EZH1: variants seen among roughly 807,000 people sequenced by gnomAD.
EZH1 encodes enhancer of zeste 1 polycomb repressive complex 2 subunit, also known as histone-lysine N-methyltransferase EZH1.
In EZH1, 33 loss-of-function variants were observed where a neutral mutation model predicts 100.5. The observed-to-expected ratio is 0.33, with a 90% CI of 0.25 to 0.44. The LOEUF is 0.44. Among genes scored for constraint, EZH1 ranks in the 20% least tolerant of loss-of-function variants. The pLI, the probability that EZH1 is intolerant of heterozygous loss-of-function variation, is 1.00. For missense variants in EZH1, 475 were observed against 928.4 expected (o/e 0.51, Z 6.35); for synonymous variants, 272 against 313.8 (o/e 0.87, Z 1.41).
chr17:42,713,238 G>A lies in EZH1; in HGVS notation c.1175C>T (p.Thr392Ile). 6.2e-7 allele frequency: 1 copy of A among 1,613,822 alleles called. No individual in the cohort carries two copies. The highest frequency in any genetic ancestry group is 8.5e-7 in the Non-Finnish European group (1 of 1,179,874). ...ETKEGDSDRD[T>I]GNDWASSSSE... is the part of the protein sequence containing the mutation. ...AGAACTGGAGGCCCAGTCATTGCCT[G>A]TGTCCCTGTCACTGTCTCCTTCTTT... The change falls in exon 11 of 21, where the codon ACA (threonine) becomes ATA (isoleucine). Residue 392 changes from threonine (T) to isoleucine (I), a missense_variant. Physicochemically the swap from Thr to Ile is moderately conservative, Grantham distance 89 (BLOSUM62 -1). This residue lies in a region of EZH1 where 180 missense variants were observed against 295.3 expected (regional missense o/e 0.61). Transcript: ENST00000428826.
intron 10 of EZH1, among the ~76,000 whole-genome samples, chr17:42,717,281 A>G (rs375822506): frequency 5.9e-5 from 9 of 152,298 alleles, no homozygotes; most frequent in African/African-American, 2.2e-4. Context: ...CCCATTTTCC[A>G]CATGTGTGCC....
chr17:42,715,566 A>T (rs938850016), intron 10 of EZH1, among the ~76,000 whole-genome samples: 4 of 152,222 alleles, frequency 2.6e-5, no homozygotes, highest in Admixed American at 1.3e-4. Flanking sequence ...ACATTTTAAC[A>T]TAAATAAAAT....
At chr17:42,727,866 G>C in intron 3 of EZH1, 103 bp from the exon 4 acceptor site, 1 of 863,574 alleles carries the variant, frequency 1.2e-6, no homozygotes, top group Non-Finnish European at 1.5e-6. Flanking sequence ...ACCCAGGCTG[G>C]AGTGTAGTAG....
rs564725423 is a variant in EZH1, at chr17:42,725,059, C to T, written c.247-635G>A. On this transcript the variant is annotated intron_variant, in intron 4 of 20. Coordinates refer to ENST00000428826, the MANE Select transcript of EZH1 (RefSeq NM_001991.5). ...GCACATGCCTGTAGTCCCAGCTACT[C>T]GGGAGGCTGAGGCAGGAGAATTGCT... Among the ~76,000 whole-genome samples, 121 of 150,432 alleles carry T rather than the reference C, an allele frequency of 8.0e-4. 1 individual carries two copies. The South Asian group carries it at 0.024, about 29-fold the overall frequency.
At position 42,706,453 on chromosome 17, in the gene EZH1, G is replaced by T. The variant is rs187926336; in HGVS notation, c.1661-268C>A. On this transcript the variant is annotated intron_variant, in intron 15 of 20. Coordinates refer to ENST00000428826, the MANE Select transcript of EZH1 (RefSeq NM_001991.5). This position sits in a 1 kb window ranked among gnomAD's most constrained non-coding sequence, Gnocchi z 4.4. Reference sequence around the variant, plus strand: ...TAATCCTAGCACTTTGGGAGGCCAAGGCAGGAGAATCACCTGAGCCCAGGA... The same window carrying T: ...TAATCCTAGCACTTTGGGAGGCCAATGCAGGAGAATCACCTGAGCCCAGGA... 6.6e-6 allele frequency among the ~76,000 whole-genome samples: 1 copy of T among 152,160 alleles called. No individual in the cohort carries two copies. Among genetic ancestry groups the T allele is most frequent in the East Asian group, 1.9e-4 (1 of 5,184 alleles).
At chr17:42,729,223 A>G (rs1342193275) in intron 2 of EZH1, 1 of 290,950 alleles carries the variant, frequency 3.4e-6, no homozygotes, top group Non-Finnish European at 6.5e-6. Flanking sequence ...CTTGGGCAAC[A>G]TGGTGAAACC....
In EZH1 at chr17:42,708,766, T is replaced by C. The variant is rs150608323; in HGVS notation, c.1534+110A>G. ...TCAGTTGCTGCAGAGAATTCTGCAA[T>C]CTGCGGAAGTGGCACAGGGTCAACA... On this transcript the variant is annotated intron_variant, in intron 14 of 20. Coordinates refer to ENST00000428826, the MANE Select transcript of EZH1 (RefSeq NM_001991.5). 1.3e-4 allele frequency: 156 copies of C among 1,164,066 alleles called. No homozygotes were observed. The African/African-American group carries it at 2.0e-3, about 15-fold the overall frequency. 72.1% of individuals were successfully genotyped at this position (1,164,066 alleles called of 1,614,324 possible).
At chr17:42,733,500 G>C (rs1258400573) in intron 1 of EZH1, among the ~76,000 whole-genome samples, 3 of 151,740 alleles carry the variant, frequency 2.0e-5, no homozygotes, top group Non-Finnish European at 4.4e-5. Context: ...AATTAGCCTG[G>C]CATGGTGGCA....
intron 20 of EZH1, 80 bp from the exon 21 acceptor site, chr17:42,702,672 C>A (rs999088392): frequency 5.1e-5 from 72 of 1,416,352 alleles, no homozygotes; most frequent in Non-Finnish European, 1.8e-5. Flanking sequence ...TCCCGTTTCA[C>A]TTCCCCTCCC....
At chr17:42,715,185 C>T (rs9916610) in intron 10 of EZH1, among the ~76,000 whole-genome samples, 83,246 of 137,602 alleles carry the variant, frequency 0.6, 26,440 homozygotes, top group African/African-American at 0.83. Context: ...TAATATATAT[C>T]ATAGATTATA....
Position 42,730,895 on chromosome 17 carries a change from C to T in EZH1, c.-79G>A. The T allele has an allele frequency of 1.0e-6, 1 of 985,486 alleles. No individual in the cohort carries two copies. The highest frequency in any genetic ancestry group is 1.2e-6 in the Non-Finnish European group (1 of 829,910). The allele number at this position is 985,486 out of a possible 1,614,324, so 61.0% of individuals were successfully genotyped here. ...TCTGTTCTTCAGGAGAATGGCAGGA[C>T]ACAACAGCAGAACAGGTGTCCAGCT... On this transcript the variant is annotated 5_prime_UTR_variant, in exon 2 of 21. Coordinates refer to ENST00000428826, the MANE Select transcript of EZH1 (RefSeq NM_001991.5).
intron 7 of EZH1, 127 bp downstream of exon 7, chr17:42,720,146 G>T: frequency 1.1e-6 from 1 of 900,054 alleles, no homozygotes. Context: ...TAATGATCAT[G>T]TTCTCCTTTT....
At chr17:42,740,140 C>T (rs1279897313) in intron 1 of EZH1, among the ~76,000 whole-genome samples, 1 of 152,180 alleles carries the variant, frequency 6.6e-6, no homozygotes, top group African/African-American at 2.4e-5. Flanking sequence ...TTCGACCTCC[C>T]AGGCTCAAGG....
At chr17:42,720,936 C>A (rs1023030421) in intron 6 of EZH1, among the ~76,000 whole-genome samples, 1 of 152,142 alleles carries the variant, frequency 6.6e-6, no homozygotes, top group African/African-American at 2.4e-5. Context: ...CAGGTGTGAC[C>A]CACCGTGCCC....
At chr17:42,723,767 G>A (rs1479568913) in intron 5 of EZH1, among the ~76,000 whole-genome samples, 3 of 152,102 alleles carry the variant, frequency 2.0e-5, no homozygotes, top group African/African-American at 4.8e-5. Context: ...CCAGTAGTAC[G>A]GCTATCTGTC....
intron 12 of EZH1, among the ~76,000 whole-genome samples, chr17:42,711,647 A>AT (rs1465732153): frequency 1.4e-5 from 2 of 139,692 alleles, no homozygotes; most frequent in African/African-American, 6.1e-5. Flanking sequence ...TTCTGTCTCA[A>AT]AAAAAAAAAA....
At chr17:42,727,135 C>G (rs904135366) in intron 4 of EZH1, among the ~76,000 whole-genome samples, 1 of 152,126 alleles carries the variant, frequency 6.6e-6, no homozygotes, top group East Asian at 1.9e-4. Context: ...CAGGTGTGAG[C>G]CACTGCGTCC....
intron 6 of EZH1, among the ~76,000 whole-genome samples, chr17:42,720,709 G>A (rs530961222): frequency 6.6e-6 from 1 of 152,178 alleles, no homozygotes; most frequent in South Asian, 2.1e-4. Context: ...GCCCAGGCTG[G>A]AGTGCAATGG....
chr17:42,740,598 C>A (rs965395544), intron 1 of EZH1, among the ~76,000 whole-genome samples: 1 of 152,172 alleles, frequency 6.6e-6, no homozygotes, highest in Non-Finnish European at 1.5e-5. Flanking sequence ...AATCCCCCTT[C>A]CTCAGCCTCC....
Sources: allele counts gnomAD v4.1 joint callset (sites outside exome capture counted in the v4.1 genomes callset), GRCh38; gene constraint gnomAD v4.1.1; regional missense constraint gnomAD v4.1.1; non-coding constraint Gnocchi (gnomAD v3.1); transcripts MANE v1.5; gene names NCBI Gene and HGNC (gene_info 2026-07-23, HGNC 2026-07-21).